Variants in ADAMTSL1 observed in about 807,000 individuals in gnomAD.
ADAMTSL1 encodes the protein ADAMTS-like protein 1.
In ADAMTSL1, 126 loss-of-function variants were observed where a neutral mutation model predicts 201.8. The ratio of observed to expected loss-of-function variants is 0.62; its 90% confidence interval spans 0.54 to 0.72. ADAMTSL1 has a LOEUF of 0.72. ADAMTSL1 is among the 30% of genes least tolerant of loss of function. The pLI, the probability that ADAMTSL1 is intolerant of heterozygous loss-of-function variation, is 0.00. For synonymous variants in ADAMTSL1, 1,121 were observed against 903.4 expected (o/e 1.24, Z -4.32); for missense variants, 2,679 against 2,277.8 (o/e 1.18, Z -3.59).
At chr9:18,152,625 A>T (rs891363269) in intron 1 of ADAMTSL1, among the ~76,000 whole-genome samples, 1 of 151,974 alleles carries the variant, frequency 6.6e-6, no homozygotes, top group African/African-American at 2.4e-5. Flanking sequence ...CTCAGTTACC[A>T]CAGAAAACAA....
rs6475208 is a variant in ADAMTSL1, at chr9:18,275,219, C to T, written c.207+111238C>T. On this transcript the variant is annotated intron_variant, in intron 2 of 29. Transcript: ENST00000680146. ...CCTCTAATAATGAAGTTAAAAGGAA[C>T]AAAATGAGGGTGAGAGAGAGCTTAT... Among the ~76,000 whole-genome samples the T allele has an allele frequency of 5.4e-3, 824 of 152,212 alleles. 3 individuals are homozygous for T. Among genetic ancestry groups the T allele is most frequent in the African/African-American group, 0.018 (735 of 41,554 alleles).
At chr9:18,614,950 A>G (rs1825606828) in intron 4 of ADAMTSL1, among the ~76,000 whole-genome samples, 1 of 152,030 alleles carries the variant, frequency 6.6e-6, no homozygotes, top group Non-Finnish European at 1.5e-5. Context: ...CACTGCATGT[A>G]TTAAGTAATA....
At chr9:18,239,338 C>A (rs551721668) in intron 2 of ADAMTSL1, among the ~76,000 whole-genome samples, 1 of 152,204 alleles carries the variant, frequency 6.6e-6, no homozygotes, top group Non-Finnish European at 1.5e-5. Context: ...TCCTCTCAAA[C>A]CCTGCTGCTG....
intron 15 of ADAMTSL1, among the ~76,000 whole-genome samples, chr9:18,743,678 G>A (rs7031387): frequency 0.47 from 71,994 of 151,926 alleles, 17,439 homozygotes; most frequent in South Asian, 0.59. Flanking sequence ...TTCCTGAGCC[G>A]TGCAAGTTAC....
At chr9:18,850,002 C>T (rs1470433625) in intron 23 of ADAMTSL1, among the ~76,000 whole-genome samples, 1 of 152,128 alleles carries the variant, frequency 6.6e-6, no homozygotes, top group African/African-American at 2.4e-5. Context: ...GACTGAAATG[C>T]ACATCCATAA....
intron 16 of ADAMTSL1, among the ~76,000 whole-genome samples, chr9:18,768,265 C>A (rs1318115548): frequency 6.6e-6 from 1 of 152,138 alleles, no homozygotes; most frequent in African/African-American, 2.4e-5. Context: ...ACACTACCCT[C>A]CATTGGGTCT....
At chr9:17,977,256 G>A in intron 1 of ADAMTSL1, among the ~76,000 whole-genome samples, 1 of 152,040 alleles carries the variant, frequency 6.6e-6, no homozygotes, top group Non-Finnish European at 1.5e-5. Flanking sequence ...TTATGTCTAT[G>A]TTCATCAGGG....
At chr9:18,391,734 A>G (rs1231442445) in intron 2 of ADAMTSL1, among the ~76,000 whole-genome samples, 1 of 151,846 alleles carries the variant, frequency 6.6e-6, no homozygotes, top group African/African-American at 2.4e-5. Context: ...AGGGAATGTG[A>G]TTCAACAGAA....
chr9:18,629,103 C>T (rs1027583699), intron 5 of ADAMTSL1, among the ~76,000 whole-genome samples: 1 of 152,100 alleles, frequency 6.6e-6, no homozygotes, highest in East Asian at 1.9e-4. Flanking sequence ...GTGTGTTAGC[C>T]GTGTATTATG....
intron 2 of ADAMTSL1, among the ~76,000 whole-genome samples, chr9:18,320,093 A>G (rs900584519): frequency 6.6e-6 from 1 of 152,036 alleles, no homozygotes; most frequent in Admixed American, 6.5e-5. Context: ...GTTCATCCTG[A>G]AAATGCAAGG....
At chr9:18,795,263 G>A (rs1822337622) in intron 19 of ADAMTSL1, 134 bp from the exon 20 acceptor site, 1 of 1,140,264 alleles carries the variant, frequency 8.8e-7, no homozygotes, top group African/African-American at 1.6e-5. Flanking sequence ...GATTGTCCTT[G>A]TAGCTGGTTT....
At chr9:18,246,093 C>T (rs544209249) in intron 2 of ADAMTSL1, among the ~76,000 whole-genome samples, 1 of 152,066 alleles carries the variant, frequency 6.6e-6, no homozygotes. Flanking sequence ...AGATTCTGCC[C>T]TTGGGGAAAC....
chr9:18,740,767 A>T (rs1363308192), intron 15 of ADAMTSL1, among the ~76,000 whole-genome samples: 1 of 152,096 alleles, frequency 6.6e-6, no homozygotes, highest in African/African-American at 2.4e-5. Flanking sequence ...GTGAGTCACC[A>T]CGCTCGGCCT....
chr9:17,966,446 AT>A (rs1446505257), intron 1 of ADAMTSL1, among the ~76,000 whole-genome samples: 2 of 152,178 alleles, frequency 1.3e-5, no homozygotes, highest in Non-Finnish European at 2.9e-5. Flanking sequence ...CATGTGCCGC[AT>A]TCCGATCACA....
intron 2 of ADAMTSL1, among the ~76,000 whole-genome samples, chr9:18,369,402 G>A (rs950945269): frequency 6.6e-6 from 1 of 152,170 alleles, no homozygotes; most frequent in Non-Finnish European, 1.5e-5. Flanking sequence ...AATCATCAGA[G>A]AAATGCAAAT....
At chr9:18,128,871 T>C (rs1423820310) in intron 1 of ADAMTSL1, among the ~76,000 whole-genome samples, 1 of 152,190 alleles carries the variant, frequency 6.6e-6, no homozygotes, top group Non-Finnish European at 1.5e-5. Flanking sequence ...TAGAAGGCTT[T>C]TGTATATCTT....
chr9:18,334,485 A>T (rs1453116067), intron 2 of ADAMTSL1, among the ~76,000 whole-genome samples: 1 of 152,320 alleles, frequency 6.6e-6, no homozygotes, highest in East Asian at 1.9e-4. Flanking sequence ...TGCTGTTTGC[A>T]CTTTAATTCC....
At chr9:18,063,061 G>C (rs1639713371) in intron 1 of ADAMTSL1, among the ~76,000 whole-genome samples, 1 of 152,164 alleles carries the variant, frequency 6.6e-6, no homozygotes, top group Non-Finnish European at 1.5e-5. Flanking sequence ...GGGTGTGGTA[G>C]CTCATGTCTG....
chr9:18,070,209 G>T (rs1162371690), intron 1 of ADAMTSL1, among the ~76,000 whole-genome samples: 2 of 152,180 alleles, frequency 1.3e-5, no homozygotes, highest in South Asian at 2.1e-4. Context: ...GACTGGATAG[G>T]AGAGCACCGT....
Sources: gnomAD v4.1 joint callset for allele counts (sites outside exome capture counted in the v4.1 genomes callset) on GRCh38, gnomAD v4.1.1 for gene constraint, MANE v1.5 for transcripts, NCBI Gene and HGNC (gene_info 2026-07-23, HGNC 2026-07-21) for gene names.